KPNA4: variants seen among roughly 807,000 people sequenced by gnomAD.
KPNA4 encodes importin subunit alpha-3.
A neutral mutation model predicts 71.3 loss-of-function variants in KPNA4; 13 were observed. That is an observed-to-expected ratio of 0.18 (90% CI 0.12 to 0.29). KPNA4 has a LOEUF of 0.29. KPNA4 is among the 10% of genes least tolerant of loss of function. KPNA4 has a pLI of 1.00. For missense variants in KPNA4, 334 were observed against 603.2 expected (o/e 0.55, Z 4.67); for synonymous variants, 189 against 195.2 (o/e 0.97, Z 0.26).
In KPNA4 at chr3:160,500,496, T is replaced by A. The variant is rs977124821; in HGVS notation, c.*1608A>T. On this transcript the variant is annotated 3_prime_UTR_variant, in exon 17 of 17. Coordinates refer to ENST00000334256, the MANE Select transcript of KPNA4 (RefSeq NM_002268.5). ...TGTGCTCAAAGGGGAAGGCACAGGA[T>A]TTCCTACAATGAGCCACCTTATAAA... is the stretch of plus-strand genomic sequence containing the variant. The A allele has an allele frequency of 2.0e-5, 3 of 152,638 alleles. No individual in the cohort carries two copies. Among genetic ancestry groups the A allele is most frequent in the African/African-American group, 7.2e-5 (3 of 41,452 alleles). The allele number at this position is 152,638 out of a possible 1,614,324, so 9.5% of individuals were successfully genotyped here. A position where few individuals can be genotyped will look rare whatever the true frequency, so the allele number is the denominator to read the frequency against.
chr3:160,527,071 A>G (rs1302479494), intron 8 of KPNA4, among the ~76,000 whole-genome samples: 1 of 152,218 alleles, frequency 6.6e-6, no homozygotes, highest in Non-Finnish European at 1.5e-5. Flanking sequence ...AAGAGATGGC[A>G]TATCAAAGCA....
chr3:160,522,874 GCTA>G, intron 10 of KPNA4, among the ~76,000 whole-genome samples: 1 of 128,256 alleles, frequency 7.8e-6, no homozygotes, highest in South Asian at 2.4e-4. Context: ...CACTACAGCT[GCTA>G]CTTATGAAAA....
chr3:160,517,890 A>G (rs1721259794), intron 11 of KPNA4, among the ~76,000 whole-genome samples: 1 of 152,126 alleles, frequency 6.6e-6, no homozygotes, highest in African/African-American at 2.4e-5. Context: ...ATTTTCTAAT[A>G]CCTATTCTCT....
rs184187517 is a variant in KPNA4 at position 160,562,111 on chromosome 3, T to C, written c.69+3103A>G. Reference sequence around the variant, plus strand: ...GATCATAATATGCTACAATTACCTCTCCCTAAATGCTATACTCTGTACATG... The same window carrying C: ...GATCATAATATGCTACAATTACCTCCCCCTAAATGCTATACTCTGTACATG... On this transcript the variant is annotated intron_variant, in intron 1 of 16. Transcript: ENST00000334256. 2.2e-3 allele frequency among the ~76,000 whole-genome samples: 337 copies of C among 152,226 alleles called. 2 individuals carry two copies. The highest frequency in any genetic ancestry group is 3.0e-3 in the Non-Finnish European group (202 of 67,966).
In KPNA4 at chr3:160,535,814, A is replaced by AT; in HGVS notation, c.197dup (p.Tyr66Ter). ...ICEDSDIDGD[Y>*]RVQNTSLEAI... ...AACAATAACAATGACTTACCACTCT[A>AT]TAATCACCATCTATATCAGAGTCTT... Residue 66 changes from tyrosine (Y) to a stop codon, truncating the protein, a stop_gained and frameshift_variant, in exon 3 of 17, where the codon TAT becomes TAAT. Transcript: ENST00000334256. LOFTEE classifies it high-confidence loss of function. 6.5e-7 allele frequency: 1 copy of AT among 1,535,770 alleles called. No individual in the cohort carries two copies. Among genetic ancestry groups the AT allele is most frequent in the East Asian group, 2.3e-5 (1 of 42,678 alleles).
Position 160,528,055 on chromosome 3 carries a change from A to AG in KPNA4, c.470-17_470-16insC. 6.3e-7 allele frequency: 1 copy of AG among 1,595,024 alleles called. No individual in the cohort carries two copies. Among genetic ancestry groups the AG allele is most frequent in the Non-Finnish European group, 8.6e-7 (1 of 1,164,112 alleles). Reference sequence around the variant, plus strand: ...GGCACAGCATCTGATGGAAGAAAAAATAACAATACTTAAGGTTGAAGATAC... The same window carrying AG: ...GGCACAGCATCTGATGGAAGAAAAAAGTAACAATACTTAAGGTTGAAGATAC... On this transcript the variant is annotated splice_polypyrimidine_tract_variant and intron_variant, in intron 7 of 16. Coordinates refer to ENST00000334256, the MANE Select transcript of KPNA4 (RefSeq NM_002268.5).
At chr3:160,537,302 T>C (rs911553813) in intron 1 of KPNA4, among the ~76,000 whole-genome samples, 10 of 151,814 alleles carry the variant, frequency 6.6e-5, no homozygotes, top group Non-Finnish European at 1.3e-4. Context: ...CACTGTTAGA[T>C]TTACCATGAT....
intron 1 of KPNA4, among the ~76,000 whole-genome samples, chr3:160,562,659 A>G (rs1722270353): frequency 6.6e-6 from 1 of 152,244 alleles, no homozygotes; most frequent in Non-Finnish European, 1.5e-5. Context: ...CACAGTGTGG[A>G]CAAAGTATGA....
intron 1 of KPNA4, among the ~76,000 whole-genome samples, chr3:160,556,594 T>C (rs1462697074): frequency 6.6e-6 from 1 of 152,206 alleles, no homozygotes; most frequent in Non-Finnish European, 1.5e-5. Flanking sequence ...TTTTAGAATG[T>C]TTGCATAATA....
chr3:160,526,170 C>G, intron 8 of KPNA4, 63 bp from the exon 9 acceptor site: 1 of 1,210,872 alleles, frequency 8.3e-7, no homozygotes, highest in Non-Finnish European at 1.1e-6. Context: ...TTTCAGAAAA[C>G]ACAAAGCACT....
intron 1 of KPNA4, among the ~76,000 whole-genome samples, chr3:160,561,557 T>C (rs1242976339): frequency 2.0e-5 from 3 of 151,976 alleles, no homozygotes; most frequent in Non-Finnish European, 2.9e-5. Flanking sequence ...AAACTTAACA[T>C]GACCACATTT....
In KPNA4 at chr3:160,535,900, TA is replaced by T. The variant is rs71628425; in HGVS notation, c.115-4del. 13,229 of 322,732 alleles carry T rather than the reference TA, an allele frequency of 0.041. 5 individuals carry two copies. Among genetic ancestry groups the T allele is most frequent in the East Asian group, 0.078 (1,080 of 13,768 alleles). The allele number at this position is 322,732 out of a possible 1,614,324, so 20.0% of individuals were successfully genotyped here. Reference sequence around the variant, plus strand: ...AAGAGATGTTCATCTCTTTTATTCTTAAAAAAAAAAAAAAAAAAAAAAAAAC... The same window carrying T: ...AAGAGATGTTCATCTCTTTTATTCTTAAAAAAAAAAAAAAAAAAAAAAAAC... On this transcript the variant is annotated splice_polypyrimidine_tract_variant and splice_region_variant and intron_variant, in intron 2 of 16. Transcript: ENST00000334256.
At chr3:160,509,202 T>C (rs1721044548) in intron 14 of KPNA4, among the ~76,000 whole-genome samples, 1 of 152,230 alleles carries the variant, frequency 6.6e-6, no homozygotes, top group Non-Finnish European at 1.5e-5. Flanking sequence ...TTCCTAGGCA[T>C]CTTACATTCC....
Position 160,495,359 on chromosome 3 carries a change from T to C in KPNA4, c.*6745A>G, listed in dbSNP as rs1174571845. The C allele has an allele frequency of 1.3e-5, 2 of 152,206 alleles. No homozygotes were observed. Among genetic ancestry groups the C allele is most frequent in the Non-Finnish European group, 2.9e-5 (2 of 68,026 alleles). 9.4% of individuals were successfully genotyped at this position (152,206 alleles called of 1,614,324 possible). On this transcript the variant is annotated 3_prime_UTR_variant, in exon 17 of 17. Coordinates refer to ENST00000334256, the MANE Select transcript of KPNA4 (RefSeq NM_002268.5). ...AAACAAACATTTCCTATCTGCTGTG[T>C]ATTTTCTTGCTCCCTGCAGCTGAGA... is the stretch of plus-strand genomic sequence containing the variant.
intron 1 of KPNA4, among the ~76,000 whole-genome samples, chr3:160,561,411 C>G (rs895054609): frequency 1.3e-5 from 2 of 151,732 alleles, no homozygotes; most frequent in Non-Finnish European, 3.0e-5. Context: ...GGTTACTATT[C>G]TCAAACTAAG....
At chr3:160,516,945 AT>A (rs1163463566) in intron 11 of KPNA4, among the ~76,000 whole-genome samples, 1 of 152,078 alleles carries the variant, frequency 6.6e-6, no homozygotes, top group Non-Finnish European at 1.5e-5. Context: ...TACATGACAA[AT>A]GATCCAAATT....
At position 160,525,967 on chromosome 3, in the gene KPNA4, G is replaced by A; in HGVS notation, c.697C>T (p.Pro233Ser). 1 of 1,586,220 alleles carries A rather than the reference G, an allele frequency of 6.3e-7. No individual in the cohort carries two copies. The highest frequency in any genetic ancestry group is 8.6e-7 in the Non-Finnish European group (1 of 1,168,026). The change falls in exon 9 of 17, where the codon CCA (proline) becomes TCA (serine). Residue 233 changes from proline (P) to serine (S), a missense_variant. Pro to Ser is a moderately conservative substitution (Grantham distance 74, BLOSUM62 -1). Coordinates refer to ENST00000334256, the MANE Select transcript of KPNA4 (RefSeq NM_002268.5). Reference protein sequence around the residue: ...VMVNLCRHKDPPPPMETIQEI... With the variant: ...VMVNLCRHKDSPPPMETIQEI... ...TGAATGGTTTCCATTGGTGGTGGTG[G>A]GTCTTTGTGGCGACATAAGTTGACC...
chr3:160,526,188 T>C (rs965432509), intron 8 of KPNA4, 81 bp from the exon 9 acceptor site: 32 of 979,106 alleles, frequency 3.3e-5, no homozygotes, highest in Non-Finnish European at 4.3e-5. Context: ...ACTGGGAATA[T>C]GCTGCTTCAT....
chr3:160,511,741 C>T (rs1323799559), intron 13 of KPNA4, among the ~76,000 whole-genome samples: 7 of 143,214 alleles, frequency 4.9e-5, no homozygotes, highest in Non-Finnish European at 1.1e-4. Flanking sequence ...AATATATTTG[C>T]ATCTCTTTTG....
Sources: allele counts gnomAD v4.1 joint callset (sites outside exome capture counted in the v4.1 genomes callset), GRCh38; gene constraint gnomAD v4.1.1; transcripts MANE v1.5; gene names NCBI Gene and HGNC (gene_info 2026-07-23, HGNC 2026-07-21).